TTLL7: variants seen among roughly 807,000 people sequenced by gnomAD.
TTLL7 encodes the protein tubulin tyrosine ligase like 7.
In TTLL7, 53 loss-of-function variants were observed where a neutral mutation model predicts 120.2. The ratio of observed to expected loss-of-function variants is 0.44; its 90% CI spans 0.35 to 0.55. TTLL7 has a LOEUF of 0.55. Among genes scored for constraint, TTLL7 ranks in the 20% least tolerant of loss-of-function variants. The probability of loss-of-function intolerance (pLI) is 0.00; values close to 1 mark genes in which losing one functional copy is unlikely to be tolerated. For synonymous variants in TTLL7, 353 were observed against 351.7 expected, an observed-to-expected ratio of 1.00 and a Z score of -0.04; for missense variants, 803 against 1,054.7, an observed-to-expected ratio of 0.76 and a Z score of 3.31.
chr1:83,967,155 A>T (rs543646619), intron 1 of TTLL7, among the ~76,000 whole-genome samples: 1 of 152,228 alleles, frequency 6.6e-6, no homozygotes, highest in East Asian at 1.9e-4. Context: ...TGCATAGTTG[A>T]ATTTGAAGAG....
At chr1:83,877,323 T>C (rs1391500463) in intron 20 of TTLL7, among the ~76,000 whole-genome samples, 1 of 151,974 alleles carries the variant, frequency 6.6e-6, no homozygotes, top group Non-Finnish European at 1.5e-5. Context: ...AGGAGTGCAA[T>C]TGAACTGTTA....
Position 83,916,433 on chromosome 1 carries a change from T to A in TTLL7, c.1587+1171A>T, listed in dbSNP as rs539153666. Among the ~76,000 whole-genome samples the A allele has an allele frequency of 5.0e-5, 7 of 140,984 alleles. No homozygotes were observed. In the South Asian group the frequency reaches 6.6e-4, roughly 13 times the overall value. The allele number at this position is 140,984 out of a possible 152,430, so 92.5% of individuals were successfully genotyped here. ...GCATGTTCTCACTCATAGGTGGGAA[T>A]TGAACAATGAGAACACATGGACACA... On this transcript the variant is annotated intron_variant, in intron 14 of 20. Transcript: ENST00000260505.
At position 83,906,310 on chromosome 1, in the gene TTLL7, A is replaced by G; in HGVS notation, c.2127+19T>C. ...AAAGGTACCAGCTCCTTGGCATTTT[A>G]GATACATCACATACTCACATCTTCT... On this transcript the variant is annotated intron_variant, in intron 17 of 20. Coordinates refer to ENST00000260505, the MANE Select transcript of TTLL7 (RefSeq NM_024686.6). 1 of 1,599,462 alleles carries G rather than the reference A, an allele frequency of 6.3e-7. No homozygotes were observed. The highest frequency in any genetic ancestry group is 1.7e-5 in the Admixed American group (1 of 57,410).
rs1656958043 is a variant in TTLL7, at chr1:83,903,946, T to C, written c.2208+133A>G. The C allele has an allele frequency of 9.8e-6, 7 of 713,320 alleles. No homozygotes were observed. The East Asian group carries it at 1.4e-4, about 14-fold the overall frequency. 44.2% of individuals were successfully genotyped at this position (713,320 alleles called of 1,614,324 possible). On this transcript the variant is annotated intron_variant, in intron 18 of 20. Transcript: ENST00000260505. The stretch of plus-strand genomic sequence containing the variant: ...AGAAGAGTGCCTGACACATAATAGA[T>C]ACTTAATAAGTGTTTGTTGAAGAAA...
intron 10 of TTLL7, among the ~76,000 whole-genome samples, chr1:83,921,625 A>C (rs1658678518): frequency 6.6e-6 from 1 of 152,142 alleles, no homozygotes; most frequent in Non-Finnish European, 1.5e-5. Flanking sequence ...GAAATAGTGC[A>C]TGTTTTAGAG....
In TTLL7 at chr1:83,931,002, GT is replaced by G. The variant is rs1184230874; in HGVS notation, c.1048-1773del. On this transcript the variant is annotated intron_variant, in intron 9 of 20. Coordinates refer to ENST00000260505, the MANE Select transcript of TTLL7 (RefSeq NM_024686.6). ...TAGGTTTTCATTCAGGGTTGTTCTTGTTTTTTTTTTTTTAAGTTTTATGAGA... is the reference window on the plus strand; with the variant it reads ...TAGGTTTTCATTCAGGGTTGTTCTTGTTTTTTTTTTTTAAGTTTTATGAGA... 2.3e-3 allele frequency among the ~76,000 whole-genome samples: 321 copies of G among 136,810 alleles called. 1 individual carries two copies. The highest frequency in any genetic ancestry group is 0.016 in the South Asian group (66 of 4,244). The allele number at this position is 136,810 out of a possible 152,430, so 89.8% of individuals were successfully genotyped here.
intron 1 of TTLL7, chr1:83,981,369 A>G (rs1204829230): frequency 6.6e-6 from 1 of 152,184 alleles, no homozygotes; most frequent in East Asian, 1.9e-4. Context: ...ATCAGATAAA[A>G]TAAATTTCAA....
intron 1 of TTLL7, chr1:83,984,036 A>G (rs1471898771): frequency 6.6e-6 from 1 of 152,330 alleles, no homozygotes; most frequent in Non-Finnish European, 1.5e-5. Context: ...GGCTACAGTG[A>G]GCCAAGATTG....
chr1:83,953,201 A>G (rs1649217947), intron 1 of TTLL7, among the ~76,000 whole-genome samples: 1 of 152,154 alleles, frequency 6.6e-6, no homozygotes, highest in Non-Finnish European at 1.5e-5. Flanking sequence ...CTTTGCTTGT[A>G]TTTTCATTGT....
intron 19 of TTLL7, among the ~76,000 whole-genome samples, chr1:83,884,157 GGAGA>G (rs375684722): frequency 6.8e-6 from 1 of 146,904 alleles, no homozygotes; most frequent in Non-Finnish European, 1.5e-5. Context: ...AGAGAGAGAG[GGAGA>G]GAGAGAGAGA....
At chr1:83,939,628 G>T (rs981802895) in intron 7 of TTLL7, among the ~76,000 whole-genome samples, 1 of 152,162 alleles carries the variant, frequency 6.6e-6, no homozygotes, top group Admixed American at 6.5e-5. Context: ...GTTTTTCAGC[G>T]TGTAGGCTTG....
chr1:83,873,974 A>G (rs1653684540), intron 20 of TTLL7, among the ~76,000 whole-genome samples: 1 of 152,132 alleles, frequency 6.6e-6, no homozygotes, highest in Admixed American at 6.6e-5. Context: ...AGTGAAATAC[A>G]TAACATGAGT....
intron 18 of TTLL7, among the ~76,000 whole-genome samples, chr1:83,902,689 C>G (rs1034088912): frequency 9.9e-5 from 15 of 151,912 alleles, no homozygotes; most frequent in African/African-American, 3.6e-4. Flanking sequence ...GTCCTTGAAA[C>G]TCGAGGTAGT....
intron 3 of TTLL7, 115 bp from the exon 4 acceptor site, chr1:83,950,101 G>T: frequency 1.1e-6 from 1 of 918,102 alleles, no homozygotes; most frequent in South Asian, 1.8e-5. Flanking sequence ...AAAAATATTA[G>T]TTACAGCCTA....
chr1:83,939,791 A>C (rs1258742916), intron 7 of TTLL7, among the ~76,000 whole-genome samples: 1 of 152,192 alleles, frequency 6.6e-6, no homozygotes, highest in Non-Finnish European at 1.5e-5. Flanking sequence ...TATAGAAATA[A>C]TACAGCTCAA....
intron 1 of TTLL7, among the ~76,000 whole-genome samples, chr1:83,987,364 A>G (rs1652569677): frequency 6.6e-6 from 1 of 152,216 alleles, no homozygotes; most frequent in Non-Finnish European, 1.5e-5. Context: ...GAAGCAACGC[A>G]GTGATGATGG....
intron 3 of TTLL7, among the ~76,000 whole-genome samples, chr1:83,951,509 A>T (rs923588707): frequency 2.6e-5 from 4 of 152,182 alleles, no homozygotes; most frequent in Admixed American, 2.0e-4. Context: ...GTCACATATA[A>T]ACCTATCTTA....
chr1:83,981,457 A>G (rs1571379252), intron 1 of TTLL7: 1 of 152,332 alleles, frequency 6.6e-6, no homozygotes, highest in Middle Eastern at 3.4e-3. Context: ...AGATATAACA[A>G]TAATAAGTGT....
rs79032175 is a variant in TTLL7, at chr1:83,894,634, G to A, written c.2209-4153C>T. Reference sequence around the variant, plus strand: ...AAAGCAGCACCTTCAGAATGGAGCCGGGGAGTTAGGGATGGGGAATGCTTC... The same window carrying A: ...AAAGCAGCACCTTCAGAATGGAGCCAGGGAGTTAGGGATGGGGAATGCTTC... On this transcript the variant is annotated intron_variant, in intron 18 of 20. Transcript: ENST00000260505. 3.3e-3 allele frequency among the ~76,000 whole-genome samples: 503 copies of A among 152,124 alleles called. 2 individuals carry two copies. The highest frequency in any genetic ancestry group is 0.011 in the African/African-American group (459 of 41,542).
Sources: allele counts gnomAD v4.1 joint callset (sites outside exome capture counted in the v4.1 genomes callset), GRCh38; gene constraint gnomAD v4.1.1; transcripts MANE v1.5; gene names NCBI Gene and HGNC (gene_info 2026-07-23, HGNC 2026-07-21).